The following TXNDC11 variants were observed in gnomAD, a reference collection of about 807,000 sequenced individuals.
The protein encoded by TXNDC11 is thioredoxin domain-containing protein 11.
Under a neutral mutation model 78.0 loss-of-function variants are expected in TXNDC11, and 68 were observed. That is an observed-to-expected ratio of 0.87 (90% CI 0.72 to 1.07). The LOEUF (loss-of-function observed/expected upper bound fraction) is 1.07, where lower values mean the gene tolerates loss of function less well. Ranked by LOEUF, TXNDC11 falls within the 50% of genes least tolerant of loss-of-function variation. The probability of loss-of-function intolerance (pLI) is 0.00; values close to 1 mark genes in which losing one functional copy is unlikely to be tolerated. For synonymous variants in TXNDC11, 571 were observed against 495.2 expected, an observed-to-expected ratio of 1.15 and a Z score of -2.03; for missense variants, 1,389 against 1,221.8, an observed-to-expected ratio of 1.14 and a Z score of -2.04.
At chr16:11,693,698 T>G (rs1484057662) in intron 7 of TXNDC11, among the ~76,000 whole-genome samples, 3 of 152,220 alleles carry the variant, frequency 2.0e-5, no homozygotes, top group Non-Finnish European at 2.9e-5. Context: ...AGAAGTCACT[T>G]TAGATGATAG....
At chr16:11,692,116 G>C (rs1253623787) in intron 7 of TXNDC11, 34 bp from the exon 8 acceptor site, 2 of 1,497,186 alleles carry the variant, frequency 1.3e-6, no homozygotes, top group East Asian at 2.3e-5. Flanking sequence ...GAAGGGCTTG[G>C]GGATGACTGA....
In TXNDC11 at chr16:11,679,802, G is replaced by C; in HGVS notation, c.2270C>G (p.Pro757Arg). The C allele has an allele frequency of 1.2e-6, 2 of 1,613,808 alleles. No homozygotes were observed. Among genetic ancestry groups the C allele is most frequent in the East Asian group, 2.2e-5 (1 of 44,870 alleles). The change falls in exon 12 of 12, where the codon CCC becomes CGC. Residue 757 changes from proline (P) to arginine (R), a missense_variant. Coordinates refer to ENST00000283033, the MANE Select transcript of TXNDC11 (RefSeq NM_015914.7). The surrounding 1 kb of genome is among the most constrained non-coding windows in gnomAD (Gnocchi z 4.6). ...DLSVKYPEDV[P>R]ITLPNLLRFI... ...CCTCAACAGGTTTGGAAGGGTGATG[G>C]GGACGTCTTCGGGGTATTTCACACT...
chr16:11,703,377 CAT>C (rs2051087422), intron 5 of TXNDC11, among the ~76,000 whole-genome samples: 1 of 152,052 alleles, frequency 6.6e-6, no homozygotes, highest in South Asian at 2.1e-4. Flanking sequence ...GTGGTAAGTA[CAT>C]TATACATAAT....
intron 5 of TXNDC11, 169 bp downstream of exon 5, chr16:11,721,408 C>T (rs1323169194): frequency 7.5e-6 from 3 of 399,772 alleles, no homozygotes; most frequent in Non-Finnish European, 1.4e-5. Context: ...CACTGCACTC[C>T]AGCCTGGGCG....
At chr16:11,703,480 G>C (rs1025333469) in intron 5 of TXNDC11, among the ~76,000 whole-genome samples, 2 of 151,736 alleles carry the variant, frequency 1.3e-5, no homozygotes, top group African/African-American at 4.8e-5. Context: ...TGAAATCAGA[G>C]AGAATGAGTA....
intron 2 of TXNDC11, among the ~76,000 whole-genome samples, chr16:11,734,692 C>T (rs2052168811): frequency 6.6e-6 from 1 of 152,182 alleles, no homozygotes; most frequent in Non-Finnish European, 1.5e-5. Context: ...CAATAGATAT[C>T]CCTCTTGTGC....
intron 4 of TXNDC11, among the ~76,000 whole-genome samples, chr16:11,722,095 T>C (rs775465782): frequency 1.3e-5 from 2 of 152,224 alleles, no homozygotes; most frequent in African/African-American, 2.4e-5. Flanking sequence ...CTTAAGTTTC[T>C]TCTTGAATCT....
At chr16:11,732,653 A>C (rs1375524922) in intron 3 of TXNDC11, among the ~76,000 whole-genome samples, 2 of 152,164 alleles carry the variant, frequency 1.3e-5, no homozygotes, top group Non-Finnish European at 2.9e-5. Flanking sequence ...CAAACATCTA[A>C]TATCCAGAGG....
chr16:11,740,466 C>T (rs2052358670), intron 1 of TXNDC11, among the ~76,000 whole-genome samples: 1 of 152,244 alleles, frequency 6.6e-6, no homozygotes, highest in Non-Finnish European at 1.5e-5. Context: ...CCTTTTCAAT[C>T]TCAAAGGACT....
chr16:11,742,347 G>A lies in TXNDC11; in HGVS notation c.254+130C>T, dbSNP rs968733287. 1.8e-5 allele frequency: 12 copies of A among 672,980 alleles called. No homozygotes were observed. In the African/African-American group the frequency reaches 1.9e-4, roughly 11 times the overall value. The allele number at this position is 672,980 out of a possible 1,614,324, so 41.7% of individuals were successfully genotyped here. A position where few individuals can be genotyped will look rare whatever the true frequency, so the allele number is the denominator to read the frequency against. On this transcript the variant is annotated intron_variant, in intron 1 of 11. Transcript: ENST00000283033. ...AAGCCGTGGCCGCAGGTTCCGGGAGGGGTCAGCCGTCCTGGGCAAGGTCAG... is the reference window on the plus strand; with the variant it reads ...AAGCCGTGGCCGCAGGTTCCGGGAGAGGTCAGCCGTCCTGGGCAAGGTCAG...
chr16:11,730,145 G>A (rs943752343), intron 4 of TXNDC11, among the ~76,000 whole-genome samples: 8 of 152,060 alleles, frequency 5.3e-5, no homozygotes, highest in African/African-American at 1.9e-4. Context: ...TGGGGAAGCA[G>A]GAAAGAAGCT....
intron 5 of TXNDC11, among the ~76,000 whole-genome samples, chr16:11,717,294 T>C (rs962122906): frequency 6.6e-6 from 1 of 151,362 alleles, no homozygotes; most frequent in East Asian, 2.0e-4. Flanking sequence ...GGCGTGGTAG[T>C]GGGCGCAGTA....
Position 11,742,507 on chromosome 16 carries a change from G to T in TXNDC11, c.224C>A (p.Ala75Glu). The change falls in exon 1 of 12, where the codon GCG becomes GAG. Residue 75 changes from alanine (A) to glutamate (E), a missense_variant. Physicochemically the swap from Ala to Glu is moderately radical, Grantham distance 107. Coordinates refer to ENST00000283033, the MANE Select transcript of TXNDC11 (RefSeq NM_015914.7). The stretch of plus-strand genomic sequence containing the variant: ...GGTGAACTTGAGGGCGAGGAGCAGC[G>T]CGCAGCCGAGCGCCACGGCCCCGCA... The part of the protein sequence containing the change: ...LLCGAVALGC[A>E]LLLALKFTCS... 1 of 1,454,284 alleles carries T rather than the reference G, an allele frequency of 6.9e-7. No individual in the cohort carries two copies. Among genetic ancestry groups the T allele is most frequent in the Non-Finnish European group, 9.0e-7 (1 of 1,111,704 alleles). The allele number at this position is 1,454,284 out of a possible 1,614,324, so 90.1% of individuals were successfully genotyped here. A position where few individuals can be genotyped will look rare whatever the true frequency, so the allele number is the denominator to read the frequency against.
chr16:11,685,726 C>T (rs967291221), intron 10 of TXNDC11, among the ~76,000 whole-genome samples: 25 of 152,128 alleles, frequency 1.6e-4, no homozygotes, highest in African/African-American at 5.5e-4. Flanking sequence ...CAAAAGTTTA[C>T]TAACAAAACA....
At chr16:11,740,976 A>G (rs2052373193) in intron 1 of TXNDC11, among the ~76,000 whole-genome samples, 1 of 151,036 alleles carries the variant, frequency 6.6e-6, no homozygotes, top group African/African-American at 2.4e-5. Flanking sequence ...TGTAGTTGTT[A>G]CATCTTGTGG....
At chr16:11,721,513 A>C in intron 5 of TXNDC11, 64 bp downstream of exon 5, 2 of 836,024 alleles carry the variant, frequency 2.4e-6, no homozygotes, top group Admixed American at 4.4e-5. Flanking sequence ...ATAATAACAC[A>C]TGGAAAAGAT....
chr16:11,716,594 G>T (rs966336256), intron 5 of TXNDC11, among the ~76,000 whole-genome samples: 2 of 152,130 alleles, frequency 1.3e-5, no homozygotes, highest in African/African-American at 4.8e-5. Context: ...TGAGAGATAT[G>T]TAAGACCTAC....
intron 7 of TXNDC11, among the ~76,000 whole-genome samples, chr16:11,695,922 C>G (rs2050845874): frequency 6.6e-6 from 1 of 151,772 alleles, no homozygotes; most frequent in Non-Finnish European, 1.5e-5. Flanking sequence ...GTAGTCCCAG[C>G]TACTTGGGAG....
In TXNDC11 at chr16:11,688,240, G is replaced by A. The variant is rs2050617109; in HGVS notation, c.2043+63C>T. On this transcript the variant is annotated intron_variant, in intron 9 of 11. Coordinates refer to ENST00000283033, the MANE Select transcript of TXNDC11 (RefSeq NM_015914.7). ...AAAACAGCTGCTCACCCCAACAACT[G>A]TAGTTTGGAAATTATTTTAAGAGGG... The A allele has an allele frequency of 4.5e-6, 7 of 1,571,388 alleles. No individual in the cohort carries two copies. In the Middle Eastern group the frequency reaches 6.8e-4, roughly 153 times the overall value.
Sources: gnomAD v4.1 joint callset for allele counts (sites outside exome capture counted in the v4.1 genomes callset) on GRCh38, gnomAD v4.1.1 for gene constraint, Gnocchi (gnomAD v3.1) non-coding constraint, MANE v1.5 for transcripts, NCBI Gene and HGNC (gene_info 2026-07-23, HGNC 2026-07-21) for gene names.